CHD8: variants seen among roughly 807,000 people sequenced by gnomAD.
CHD8 encodes chromodomain helicase DNA binding protein 8.
CHD8 carries 31 observed loss-of-function variants against 279.2 expected under a neutral mutation model. The ratio of observed to expected loss-of-function variants is 0.11; its 90% CI spans 0.08 to 0.15. CHD8 has a LOEUF of 0.15. CHD8 is among the 10% of genes least tolerant of loss of function. The pLI, the probability that CHD8 is intolerant of heterozygous loss-of-function variation, is 1.00. For synonymous variants in CHD8, 1,081 were observed against 1,139.6 expected (o/e 0.95, Z 1.04); for missense variants, 2,146 against 3,230.5 (o/e 0.66, Z 8.14).
chr14:21,395,730 C>A, intron 28 of CHD8, 87 bp downstream of exon 28: 1 of 796,466 alleles, frequency 1.3e-6, no homozygotes, highest in South Asian at 1.6e-5. Flanking sequence ...ATAAATTAAC[C>A]AATATATTTC....
intron 20 of CHD8, 24 bp from the exon 21 acceptor site, chr14:21,401,537 TAAA>T (rs763902529): frequency 1.2e-4 from 154 of 1,327,734 alleles, no homozygotes; most frequent in Non-Finnish European, 1.5e-4. Flanking sequence ...AATGCAGAGG[TAAA>T]GCTGACTTTT....
At chr14:21,395,675 T>C (rs986214371) in intron 28 of CHD8, 142 bp downstream of exon 28, 2 of 653,782 alleles carry the variant, frequency 3.1e-6, no homozygotes, top group African/African-American at 3.7e-5. Flanking sequence ...TTTCCATTAA[T>C]ATTTTCTATT....
intron 31 of CHD8, 32 bp from the exon 32 acceptor site, chr14:21,394,227 G>C: frequency 6.2e-7 from 1 of 1,611,616 alleles, no homozygotes; most frequent in Non-Finnish European, 8.5e-7. Context: ...GAAATTAACA[G>C]AGTTGCTTCT....
At chr14:21,386,707 G>T (rs780671322) in intron 37 of CHD8, among the ~76,000 whole-genome samples, 12 of 152,028 alleles carry the variant, frequency 7.9e-5, no homozygotes, top group Non-Finnish European at 1.3e-4. Flanking sequence ...CAAGGTGGCG[G>T]GCGCCTGTAG....
chr14:21,421,851 T>C (rs1889058703), intron 5 of CHD8, among the ~76,000 whole-genome samples: 1 of 152,024 alleles, frequency 6.6e-6, no homozygotes, highest in African/African-American at 2.4e-5. Context: ...TGAGCCCTAA[T>C]CCAATCTGAC....
chr14:21,402,532 G>A lies in CHD8; in HGVS notation c.3715-29C>T, dbSNP rs756727512. The A allele has an allele frequency of 6.4e-6, 10 of 1,551,250 alleles. No homozygotes were observed. The highest frequency in any genetic ancestry group is 6.2e-5 in the South Asian group (5 of 80,998). ...GTTTAAAATAAAAACGAAAGGAAAGGAGAAAGATATCATAAAATTAGCAAG... is the reference window on the plus strand; with the variant it reads ...GTTTAAAATAAAAACGAAAGGAAAGAAGAAAGATATCATAAAATTAGCAAG... On this transcript the variant is annotated intron_variant, in intron 18 of 37. Transcript: ENST00000646647. The surrounding 1 kb of genome is among the most constrained non-coding windows in gnomAD (Gnocchi z 4.5).
intron 10 of CHD8, among the ~76,000 whole-genome samples, chr14:21,411,608 T>C (rs997159858): frequency 5.3e-5 from 8 of 152,196 alleles, no homozygotes. Context: ...AGAAATTTTC[T>C]TTATGATCCT....
chr14:21,404,708 C>T (rs1237243252), intron 16 of CHD8: 1 of 156,210 alleles, frequency 6.4e-6, no homozygotes, highest in East Asian at 1.9e-4. Flanking sequence ...GTACATGCCA[C>T]TGTGTGGCTA....
Position 21,385,585 on chromosome 14 carries a change from C to T in CHD8, c.*28G>A. The stretch of plus-strand genomic sequence containing the variant: ...AGAGTAAATGAAAATACAGCAGCCG[C>T]CCAAGCAATGGGGCCCATGCTGGGG... On this transcript the variant is annotated 3_prime_UTR_variant, in exon 38 of 38. Transcript: ENST00000646647. 1.3e-6 allele frequency: 2 copies of T among 1,538,056 alleles called. No homozygotes were observed. Among genetic ancestry groups the T allele is most frequent in the Non-Finnish European group, 1.8e-6 (2 of 1,139,794 alleles).
chr14:21,446,618 TTTAA>T, intron 1 of CHD8, among the ~76,000 whole-genome samples: 1 of 152,354 alleles, frequency 6.6e-6, no homozygotes, highest in African/African-American at 2.4e-5. Flanking sequence ...TGGCTTCTTA[TTTAA>T]TTTTCTTAAC....
Position 21,391,891 on chromosome 14 carries a change from A to G in CHD8, c.6827T>C (p.Met2276Thr). 6.2e-7 allele frequency: 1 copy of G among 1,613,944 alleles called. No homozygotes were observed. Among genetic ancestry groups the G allele is most frequent in the Non-Finnish European group, 8.5e-7 (1 of 1,179,858 alleles). Reference sequence around the variant, plus strand: ...ATGAAACAGTGGATGTCCATCTCCCATTACTCCATTCGCCATCAACTTGTG... The same window carrying G: ...ATGAAACAGTGGATGTCCATCTCCCGTTACTCCATTCGCCATCAACTTGTG... ...QKHKLMANGVMGDGHPLFHKK... is the reference protein window; with the variant it reads ...QKHKLMANGVTGDGHPLFHKK... Residue 2276 changes from methionine to threonine, a missense_variant, in exon 35 of 38, where the codon ATG (methionine) becomes ACG (threonine). Physicochemically the swap from Met to Thr is moderately conservative, Grantham distance 81. Coordinates refer to ENST00000646647, the MANE Select transcript of CHD8 (RefSeq NM_001170629.2).
rs1027707875 is a variant in CHD8 at position 21,431,694 on chromosome 14, A to AG, written c.-52dup. ...CTCCAAGGTCTAGGGAGGGAAGGGG[A>AG]GGGGGGGTACTGGCTCTCCCCTCCC... is the stretch of plus-strand genomic sequence containing the variant. On this transcript the variant is annotated 5_prime_UTR_variant, in exon 2 of 38. Transcript: ENST00000646647. The AG allele has an allele frequency of 2.2e-5, 33 of 1,484,826 alleles. No homozygotes were observed. Among genetic ancestry groups the AG allele is most frequent in the Admixed American group, 3.6e-5 (2 of 55,910 alleles). The allele number at this position is 1,484,826 out of a possible 1,614,324, so 92.0% of individuals were successfully genotyped here. A position where few individuals can be genotyped will look rare whatever the true frequency, so the allele number is the denominator to read the frequency against.
intron 8 of CHD8, 128 bp downstream of exon 8, chr14:21,414,810 C>T (rs1201557309): frequency 2.8e-6 from 2 of 701,798 alleles, no homozygotes; most frequent in East Asian, 2.7e-5. Context: ...CCATTTTTCC[C>T]CATTAAAAAC....
intron 27 of CHD8, chr14:21,396,966 T>C (rs1262861088): frequency 6.1e-6 from 1 of 162,770 alleles, no homozygotes; most frequent in African/African-American, 2.4e-5. Context: ...CAAATAATTA[T>C]AAGAAATTGA....
chr14:21,393,379 A>C (rs778015760), intron 32 of CHD8, 97 bp downstream of exon 32: 38 of 1,507,224 alleles, frequency 2.5e-5, no homozygotes, highest in Non-Finnish European at 1.4e-5. Context: ...TATCAAATCA[A>C]AATCCAAATC....
At chr14:21,438,391 T>G (rs1889867838) in intron 1 of CHD8, among the ~76,000 whole-genome samples, 1 of 151,056 alleles carries the variant, frequency 6.6e-6, no homozygotes, top group Non-Finnish European at 1.5e-5. Context: ...AGCAGTTTAG[T>G]CCGGGTGCAG....
At chr14:21,437,300 T>C in intron 1 of CHD8, 1 of 1,131,586 alleles carries the variant, frequency 8.8e-7, no homozygotes, top group East Asian at 7.0e-5. Context: ...CCCCGCGCCA[T>C]CATTGGCTGA....
chr14:21,432,355 T>C (rs1889599730), intron 1 of CHD8, among the ~76,000 whole-genome samples: 2 of 152,012 alleles, frequency 1.3e-5, no homozygotes, highest in African/African-American at 2.4e-5. Context: ...AGGCTTATAG[T>C]ACAATCTCAC....
At chr14:21,436,977 A>T in intron 1 of CHD8, 1 of 1,287,246 alleles carries the variant, frequency 7.8e-7, no homozygotes, top group Middle Eastern at 2.1e-4. Context: ...TGGAGACCCC[A>T]AAATGGAAAT....
Sources: gnomAD v4.1 joint callset for allele counts (sites outside exome capture counted in the v4.1 genomes callset) on GRCh38, gnomAD v4.1.1 for gene constraint, Gnocchi (gnomAD v3.1) non-coding constraint, MANE v1.5 for transcripts, NCBI Gene and HGNC (gene_info 2026-07-23, HGNC 2026-07-21) for gene names.